SH3RF1: variants seen among roughly 807,000 people sequenced by gnomAD.
The protein encoded by SH3RF1 is E3 ubiquitin-protein ligase SH3RF1.
SH3RF1 carries 32 observed loss-of-function variants against 74.0 expected under a neutral mutation model. The ratio of observed to expected loss-of-function variants is 0.43; its 90% CI spans 0.33 to 0.58. The LOEUF (loss-of-function observed/expected upper bound fraction) is 0.58, where lower values mean the gene tolerates loss of function less well. Among genes scored for constraint, SH3RF1 ranks in the 20% least tolerant of loss-of-function variants. The pLI, the probability that SH3RF1 is intolerant of heterozygous loss-of-function variation, is 0.05. For missense variants in SH3RF1, 954 were observed against 1,130.9 expected, an observed-to-expected ratio of 0.84 and a Z score of 2.24; for synonymous variants, 396 against 439.6, an observed-to-expected ratio of 0.90 and a Z score of 1.24.
At chr4:169,253,358 C>T (rs1001960069) in intron 2 of SH3RF1, among the ~76,000 whole-genome samples, 3 of 152,112 alleles carry the variant, frequency 2.0e-5, no homozygotes, top group Admixed American at 2.0e-4. Context: ...AAGGTATTTC[C>T]ATGTATATAG....
intron 2 of SH3RF1, among the ~76,000 whole-genome samples, chr4:169,207,236 G>C (rs1255293744): frequency 2.0e-5 from 3 of 152,112 alleles, no homozygotes; most frequent in African/African-American, 4.8e-5. Context: ...GGGATAATAA[G>C]AGCCTGGCCA....
intron 4 of SH3RF1, among the ~76,000 whole-genome samples, chr4:169,150,979 C>A (rs1733967738): frequency 6.6e-6 from 1 of 152,046 alleles, no homozygotes; most frequent in African/African-American, 2.4e-5. Flanking sequence ...AATGTAACAT[C>A]CTGACGTAAC....
At chr4:169,204,124 G>A (rs922279204) in intron 2 of SH3RF1, 62 of 152,186 alleles carry the variant, frequency 4.1e-4, no homozygotes, top group Middle Eastern at 3.4e-3. Flanking sequence ...AAACTTCCTG[G>A]TGGATTATCA....
intron 2 of SH3RF1, among the ~76,000 whole-genome samples, chr4:169,219,291 G>A (rs574683947): frequency 1.1e-4 from 17 of 152,184 alleles, no homozygotes; most frequent in East Asian, 3.9e-4. Context: ...ATGCCAAATC[G>A]TTTCTGTTCA....
At chr4:169,194,222 C>T (rs1734773631) in intron 2 of SH3RF1, among the ~76,000 whole-genome samples, 1 of 152,076 alleles carries the variant, frequency 6.6e-6, no homozygotes, top group African/African-American at 2.4e-5. Context: ...TAAAATAAAG[C>T]ATATAAAACT....
chr4:169,168,130 A>T, intron 2 of SH3RF1, among the ~76,000 whole-genome samples: 1 of 152,168 alleles, frequency 6.6e-6, no homozygotes, highest in South Asian at 2.1e-4. Flanking sequence ...ACAGAGTGAG[A>T]CCTCACCTCT....
Position 169,269,160 on chromosome 4 carries a change from C to T in SH3RF1, c.53G>A (p.Arg18His), listed in dbSNP as rs201743684. 1.7e-5 allele frequency: 27 copies of T among 1,610,382 alleles called. No homozygotes were observed. In the Admixed American group the frequency reaches 3.5e-4, roughly 21 times the overall value. ...CAAGACCTTCGCAGAAGCATCAAGG[C>T]GCTCTAGACACACCGGACACTCCAA... ...DLLECPVCLERLDASAKVLPC... is the reference protein window; with the variant it reads ...DLLECPVCLEHLDASAKVLPC... Residue 18 changes from arginine to histidine, a missense_variant, in exon 2 of 12, where the codon CGC becomes CAC. Physicochemically the swap from Arg to His is conservative, Grantham distance 29. Coordinates refer to ENST00000284637, the MANE Select transcript of SH3RF1 (RefSeq NM_020870.4).
At chr4:169,174,834 TA>T (rs1308789864) in intron 2 of SH3RF1, among the ~76,000 whole-genome samples, 1 of 150,750 alleles carries the variant, frequency 6.6e-6, no homozygotes, top group Non-Finnish European at 1.5e-5. Flanking sequence ...GTGACTCTCA[TA>T]TGAAGCGCTA....
Position 169,155,576 on chromosome 4 carries a change from C to T in SH3RF1, c.670-1G>A, listed in dbSNP as rs1441629447. 1 of 1,607,858 alleles carries T rather than the reference C, an allele frequency of 6.2e-7. No individual in the cohort carries two copies. Among genetic ancestry groups the T allele is most frequent in the African/African-American group, 1.3e-5 (1 of 74,758 alleles). On this transcript the variant is annotated splice_acceptor_variant, in intron 3 of 11. Coordinates refer to ENST00000284637, the MANE Select transcript of SH3RF1 (RefSeq NM_020870.4). LOFTEE classifies it high-confidence loss of function. ...TTCGGATCACAGTCAGAACATCATC[C>T]TGAAGAAACAGCAAATCATTAATCT...
chr4:169,267,570 TTAAA>T (rs1179297527), intron 2 of SH3RF1, among the ~76,000 whole-genome samples: 4 of 152,158 alleles, frequency 2.6e-5, no homozygotes, highest in Non-Finnish European at 5.9e-5. Context: ...CTCACTATCT[TTAAA>T]TAAATAAATA....
At chr4:169,201,786 A>G (rs947920497) in intron 2 of SH3RF1, 1 of 152,162 alleles carries the variant, frequency 6.6e-6, no homozygotes, top group Non-Finnish European at 1.5e-5. Context: ...ATTTTTTCCA[A>G]TGTAAGTCAA....
At chr4:169,262,843 T>C (rs1731301405) in intron 2 of SH3RF1, among the ~76,000 whole-genome samples, 1 of 152,118 alleles carries the variant, frequency 6.6e-6, no homozygotes, top group African/African-American at 2.4e-5. Flanking sequence ...TCTACCCTGT[T>C]CAAGATCTCA....
At chr4:169,266,120 T>C (rs770611960) in intron 2 of SH3RF1, among the ~76,000 whole-genome samples, 3 of 152,190 alleles carry the variant, frequency 2.0e-5, no homozygotes, top group Non-Finnish European at 2.9e-5. Flanking sequence ...ACACTCTCCT[T>C]TTCTCCTTCA....
intron 2 of SH3RF1, among the ~76,000 whole-genome samples, chr4:169,197,639 A>AT (rs1734837667): frequency 6.6e-6 from 1 of 150,998 alleles, no homozygotes; most frequent in African/African-American, 2.4e-5. Context: ...AAAAAAAAAA[A>AT]GCCCACCTTA....
rs1561028159 is a variant in SH3RF1 at position 169,117,792 on chromosome 4, CACAA to C, written c.1518-14_1518-11del. 6.2e-7 allele frequency: 1 copy of C among 1,603,106 alleles called. No individual in the cohort carries two copies. Among genetic ancestry groups the C allele is most frequent in the Non-Finnish European group, 8.5e-7 (1 of 1,171,054 alleles). The stretch of plus-strand genomic sequence containing the variant: ...AGCATTTGTCACCGCCCTGCCAAGA[CACAA>C]ACATAGATGGAAAGCCCAGTCCATC... On this transcript the variant is annotated splice_polypyrimidine_tract_variant and intron_variant, in intron 8 of 11. Transcript: ENST00000284637.
chr4:169,143,860 GT>G (rs1733827174), intron 4 of SH3RF1, among the ~76,000 whole-genome samples: 1 of 152,108 alleles, frequency 6.6e-6, no homozygotes, highest in Admixed American at 6.5e-5. Flanking sequence ...GAATTTTCTT[GT>G]TCAGGTTTCT....
chr4:169,233,100 T>C lies in SH3RF1; in HGVS notation c.393+35720A>G, dbSNP rs1369950330. On this transcript the variant is annotated intron_variant, in intron 2 of 11. Transcript: ENST00000284637. Reference sequence around the variant, plus strand: ...CCCATCTCTACTAAAAATACAAAAATCAGCCAGGCGTGGTGGCAGGCACCT... The same window carrying C: ...CCCATCTCTACTAAAAATACAAAAACCAGCCAGGCGTGGTGGCAGGCACCT... Among the ~76,000 whole-genome samples the C allele has an allele frequency of 4.6e-5, 7 of 151,810 alleles. No individual in the cohort carries two copies. In the South Asian group the frequency reaches 1.5e-3, roughly 32 times the overall value.
chr4:169,169,061 ATCT>A (rs1448503835), intron 2 of SH3RF1, among the ~76,000 whole-genome samples: 1 of 152,208 alleles, frequency 6.6e-6, no homozygotes, highest in African/African-American at 2.4e-5. Flanking sequence ...GCTGCCTTTT[ATCT>A]TCTTATTTTT....
chr4:169,253,843 A>T (rs1289402810), intron 2 of SH3RF1, among the ~76,000 whole-genome samples: 1 of 152,226 alleles, frequency 6.6e-6, no homozygotes, highest in East Asian at 1.9e-4. Context: ...TCTATGTCAG[A>T]ATGATGTGCC....
Sources: gnomAD v4.1 joint callset for allele counts (sites outside exome capture counted in the v4.1 genomes callset) on GRCh38, gnomAD v4.1.1 for gene constraint, MANE v1.5 for transcripts, NCBI Gene and HGNC (gene_info 2026-07-23, HGNC 2026-07-21) for gene names.